RABAC1: variants seen among roughly 807,000 people sequenced by gnomAD.
RABAC1 encodes Rab acceptor 1, also known as prenylated Rab acceptor protein 1.
In RABAC1, 16 loss-of-function variants were observed where a neutral mutation model predicts 22.9. The observed-to-expected ratio is 0.70, with a 90% CI of 0.47 to 1.06. The LOEUF (loss-of-function observed/expected upper bound fraction) is 1.06, where lower values mean the gene tolerates loss of function less well. Among genes scored for constraint, RABAC1 ranks in the 50% least tolerant of loss-of-function variants. RABAC1 has a pLI of 0.00. For synonymous variants in RABAC1, 139 were observed against 107.7 expected, an observed-to-expected ratio of 1.29 and a Z score of -1.80; for missense variants, 227 against 246.5, an observed-to-expected ratio of 0.92 and a Z score of 0.53.
At chr19:41,959,084 G>T in intron 1 of RABAC1, 136 bp from the exon 2 acceptor site, 1 of 1,327,420 alleles carries the variant, frequency 7.5e-7, no homozygotes, top group Non-Finnish European at 1.0e-6. Flanking sequence ...GGGACTAGGG[G>T]CCCAGACTCC....
In RABAC1 at chr19:41,956,779, G is replaced by A. The variant is rs782733356; in HGVS notation, c.*67C>T. 22 of 1,437,718 alleles carry A rather than the reference G, an allele frequency of 1.5e-5. No individual in the cohort carries two copies. The highest frequency in any genetic ancestry group is 5.0e-4 in the Middle Eastern group (2 of 4,020). The allele number at this position is 1,437,718 out of a possible 1,614,324, so 89.1% of individuals were successfully genotyped here. On this transcript the variant is annotated 3_prime_UTR_variant, in exon 5 of 5. Transcript: ENST00000222008. ...CGCTGTGGGCCCGAGCAGCAGAGCC[G>A]TGCAGGACAGGCATGGGCAGGGGTG...
Position 41,958,924 on chromosome 19 carries a change from G to A in RABAC1, c.81C>T (p.Pro27=). 1.3e-6 allele frequency: 2 copies of A among 1,588,178 alleles called. No homozygotes were observed. Residue 27 remains proline, a synonymous_variant, in exon 2 of 5, where the codon CCC becomes CCT. Coordinates refer to ENST00000222008, the MANE Select transcript of RABAC1 (RefSeq NM_006423.3). ...CCAGCCACTCCCGGCCTGCACCGGA[G>A]GGAATCAGCTTCGGCAGCAGGGTCC... ...SGTTLLPKLI[P]SGAGREWLER...
chr19:41,958,972 G>T (rs1555857296), intron 1 of RABAC1, 24 bp from the exon 2 acceptor site: 1 of 1,538,130 alleles, frequency 6.5e-7, no homozygotes, highest in Non-Finnish European at 8.7e-7. Context: ...GGCCGGGTCA[G>T]TGGTGGACCG....
chr19:41,958,547 G>A (rs541747933), intron 2 of RABAC1, among the ~76,000 whole-genome samples, 164 bp from the exon 3 acceptor site: 34 of 152,320 alleles, frequency 2.2e-4, no homozygotes, highest in African/African-American at 8.2e-4. Context: ...TGGTGGGGTA[G>A]GGGACCTGGC....
chr19:41,957,833 T>C (rs1447946883), intron 3 of RABAC1: 1 of 169,140 alleles, frequency 5.9e-6, no homozygotes, highest in African/African-American at 2.4e-5. Context: ...GGGAACCACA[T>C]GAAACATACT....
chr19:41,957,137 T>C lies in RABAC1; in HGVS notation c.368-18A>G. The C allele has an allele frequency of 6.2e-7, 1 of 1,604,798 alleles. No individual in the cohort carries two copies. Among genetic ancestry groups the C allele is most frequent in the Non-Finnish European group, 8.5e-7 (1 of 1,173,000 alleles). ...CTCTCGGCCTGGGGGCAGATGGCAT[T>C]GGGGTGCTGTTCCGACTCTCCATGC... is the stretch of plus-strand genomic sequence containing the variant. On this transcript the variant is annotated intron_variant, in intron 3 of 4. Transcript: ENST00000222008.
At chr19:41,958,145 G>T in intron 3 of RABAC1, 141 bp downstream of exon 3, 1 of 724,640 alleles carries the variant, frequency 1.4e-6, no homozygotes, top group Non-Finnish European at 2.4e-6. Context: ...TAAGGGATCA[G>T]GTTTGGGGGA....
rs781785593 is a variant in RABAC1 at position 41,958,757 on chromosome 19, AG to A, written c.247del (p.Leu83TrpfsTer9). On this transcript the variant is annotated frameshift_variant, in exon 2 of 5. Transcript: ENST00000222008. LOFTEE classifies it high-confidence loss of function. ...TCACACACAGTACAGGATGAGGCCCAGGAACACGAACACATAGTTGCTCTGG... is the reference window on the plus strand; with the variant it reads ...TCACACACAGTACAGGATGAGGCCCAGAACACGAACACATAGTTGCTCTGG... ...YYQSNYVFVF[L>X]GLILYCVVTS... 1 of 1,613,100 alleles carries A rather than the reference AG, an allele frequency of 6.2e-7. No homozygotes were observed. The highest frequency in any genetic ancestry group is 8.5e-7 in the Non-Finnish European group (1 of 1,179,742).
In RABAC1 at chr19:41,958,750, G is replaced by A. The variant is rs782052015; in HGVS notation, c.255C>T (p.Leu85=). 2 of 1,612,954 alleles carry A rather than the reference G, an allele frequency of 1.2e-6. No homozygotes were observed. Among genetic ancestry groups the A allele is most frequent in the South Asian group, 1.1e-5 (1 of 91,022 alleles). Residue 85 remains leucine (L), a synonymous_variant, in exon 2 of 5, where the codon CTC becomes CTT. Coordinates refer to ENST00000222008, the MANE Select transcript of RABAC1 (RefSeq NM_006423.3). ...QSNYVFVFLG[L]ILYCVVTSPM... is the part of the protein sequence containing the mutation. ...GAGGCACTCACACACAGTACAGGAT[G>A]AGGCCCAGGAACACGAACACATAGT...
At position 41,956,725 on chromosome 19, in the gene RABAC1, G is replaced by A. The variant is rs1362027397; in HGVS notation, c.*121C>T. ...ATAACAGCTTTATTTTCAAAGGCGG[G>A]ATCCCTCCCCGGGCTTGTGATGGGA... On this transcript the variant is annotated 3_prime_UTR_variant, in exon 5 of 5. Coordinates refer to ENST00000222008, the MANE Select transcript of RABAC1 (RefSeq NM_006423.3). 2.3e-6 allele frequency: 2 copies of A among 853,304 alleles called. No individual in the cohort carries two copies. The highest frequency in any genetic ancestry group is 3.6e-6 in the Non-Finnish European group (2 of 557,060). The allele number at this position is 853,304 out of a possible 1,614,324, so 52.9% of individuals were successfully genotyped here. A position where few individuals can be genotyped will look rare whatever the true frequency, so the allele number is the denominator to read the frequency against.
intron 3 of RABAC1, among the ~76,000 whole-genome samples, chr19:41,957,695 G>A (rs2074996281): frequency 6.6e-6 from 1 of 152,152 alleles, no homozygotes; most frequent in Admixed American, 6.5e-5. Flanking sequence ...CCCCTGAAGA[G>A]CCTGGCCTTC....
Position 41,957,094 on chromosome 19 carries a change from C to G in RABAC1, c.393G>C (p.Gln131His), listed in dbSNP as rs1555856808. Residue 131 changes from glutamine (Q) to histidine (H), a missense_variant, in exon 4 of 5, where the codon CAG becomes CAC. Coordinates refer to ENST00000222008, the MANE Select transcript of RABAC1 (RefSeq NM_006423.3). ...AGGAGATGCCTCCAGCCAGAGCATA[C>G]TGATGCGCTGGGCTCACCTCTCGGC... ...LFGREVSPAH[Q>H]YALAGGISFP... is the part of the protein sequence containing the mutation. The G allele has an allele frequency of 1.9e-6, 3 of 1,613,774 alleles. No individual in the cohort carries two copies. The East Asian group carries it at 6.7e-5, about 36-fold the overall frequency.
chr19:41,957,435 C>A, intron 3 of RABAC1: 2 of 352,922 alleles, frequency 5.7e-6, no homozygotes. Flanking sequence ...TCGCGCAGAC[C>A]AGGGTCTCAA....
At chr19:41,958,255 C>A in intron 3 of RABAC1, 31 bp downstream of exon 3, 3 of 1,577,638 alleles carry the variant, frequency 1.9e-6, no homozygotes, top group Non-Finnish European at 2.6e-6. Context: ...TTTGAGGGAC[C>A]AAGGATTCAT....
At chr19:41,957,558 AG>A (rs2074995580) in intron 3 of RABAC1, 1 of 167,726 alleles carries the variant, frequency 6.0e-6, no homozygotes, top group Non-Finnish European at 1.3e-5. Context: ...TACCAACTTC[AG>A]GCTTCTCATA....
intron 3 of RABAC1, 150 bp downstream of exon 3, chr19:41,958,136 A>T: frequency 3.0e-6 from 2 of 670,862 alleles, no homozygotes; most frequent in East Asian, 2.8e-5. Flanking sequence ...CTGAGATTTT[A>T]AGGGATCAGG....
intron 3 of RABAC1, 42 bp from the exon 4 acceptor site, chr19:41,957,161 G>C: frequency 6.5e-7 from 1 of 1,534,942 alleles, no homozygotes; most frequent in Non-Finnish European, 9.0e-7. Flanking sequence ...GACTCTCCAT[G>C]CCCTCTCCCA....
chr19:41,959,096 G>A, intron 1 of RABAC1, 141 bp downstream of exon 1: 1 of 1,360,602 alleles, frequency 7.3e-7, no homozygotes, highest in Non-Finnish European at 9.9e-7. Flanking sequence ...CCAGACTCCA[G>A]GGTCCCATTA....
intron 3 of RABAC1, 37 bp downstream of exon 3, chr19:41,958,249 A>G: frequency 6.4e-7 from 1 of 1,566,004 alleles, no homozygotes; most frequent in East Asian, 2.3e-5. Flanking sequence ...CCAAGATTTG[A>G]GGGACCAAGG....
Sources: allele counts gnomAD v4.1 joint callset (sites outside exome capture counted in the v4.1 genomes callset), GRCh38; gene constraint gnomAD v4.1.1; transcripts MANE v1.5; gene names NCBI Gene and HGNC (gene_info 2026-07-23, HGNC 2026-07-21).